RAB8B: variants seen among roughly 807,000 people sequenced by gnomAD.
RAB8B encodes RAB8B, member RAS oncogene family.
Under a neutral mutation model 32.0 loss-of-function variants are expected in RAB8B, and 11 were observed. That is an observed-to-expected ratio of 0.34 (90% CI 0.22 to 0.57). The LOEUF is 0.57. Ranked by LOEUF, RAB8B falls within the 20% of genes least tolerant of loss-of-function variation. The pLI, the probability that RAB8B is intolerant of heterozygous loss-of-function variation, is 0.86. For missense variants in RAB8B, 190 were observed against 258.5 expected (o/e 0.73, Z 1.82); for synonymous variants, 103 against 89.6 (o/e 1.15, Z -0.85).
intron 3 of RAB8B, among the ~76,000 whole-genome samples, chr15:63,252,660 A>T (rs945491541): frequency 3.3e-5 from 5 of 152,248 alleles, no homozygotes; most frequent in African/African-American, 1.2e-4. Flanking sequence ...TGCAGAATCC[A>T]CTTTGAATTG....
At chr15:63,225,867 G>T (rs1044436569) in intron 1 of RAB8B, among the ~76,000 whole-genome samples, 1 of 151,884 alleles carries the variant, frequency 6.6e-6, no homozygotes, top group Non-Finnish European at 1.5e-5. Context: ...CTGAAAGAGG[G>T]TCTCGCTCTG....
intron 3 of RAB8B, 96 bp from the exon 4 acceptor site, chr15:63,255,407 GACAA>G: frequency 1.3e-6 from 1 of 741,280 alleles, no homozygotes; most frequent in Non-Finnish European, 2.0e-6. Context: ...GGAAAAAATG[GACAA>G]ACAAAAGGTT....
intron 1 of RAB8B, chr15:63,223,036 C>A: frequency 4.4e-6 from 2 of 456,024 alleles, no homozygotes; most frequent in Non-Finnish European, 8.8e-6. Flanking sequence ...TCATTGATTC[C>A]TTCAGAGCAA....
chr15:63,261,495 C>T (rs187800494), intron 6 of RAB8B, among the ~76,000 whole-genome samples: 1 of 152,260 alleles, frequency 6.6e-6, no homozygotes, highest in Admixed American at 6.5e-5. Flanking sequence ...GGTATGTATA[C>T]ACAATGGAAT....
intron 6 of RAB8B, among the ~76,000 whole-genome samples, chr15:63,262,382 C>A (rs567745385): frequency 9.9e-5 from 15 of 152,206 alleles, no homozygotes; most frequent in African/African-American, 3.6e-4. Context: ...AGAGTAAACA[C>A]ATGCATACTA....
chr15:63,210,801 A>G (rs1567010602), intron 1 of RAB8B, among the ~76,000 whole-genome samples: 1 of 152,140 alleles, frequency 6.6e-6, no homozygotes, highest in East Asian at 1.9e-4. Context: ...ACTAGGCTGT[A>G]GGCTGGTTTT....
At chr15:63,218,145 C>A (rs1452129829) in intron 1 of RAB8B, among the ~76,000 whole-genome samples, 1 of 151,938 alleles carries the variant, frequency 6.6e-6, no homozygotes, top group African/African-American at 2.4e-5. Flanking sequence ...AAGAAATGCA[C>A]CAATGGGAGG....
At chr15:63,235,728 AT>A (rs1329395091) in intron 1 of RAB8B, among the ~76,000 whole-genome samples, 1 of 151,314 alleles carries the variant, frequency 6.6e-6, no homozygotes, top group East Asian at 1.9e-4. Flanking sequence ...CATTTTAAAT[AT>A]TTTTTTCAGA....
At chr15:63,238,322 C>T (rs2038000943) in intron 1 of RAB8B, among the ~76,000 whole-genome samples, 1 of 151,948 alleles carries the variant, frequency 6.6e-6, no homozygotes, top group African/African-American at 2.4e-5. Flanking sequence ...TTCTAGTCTC[C>T]AGTCATCTGG....
At chr15:63,208,975 C>T (rs927054428) in intron 1 of RAB8B, among the ~76,000 whole-genome samples, 3 of 151,324 alleles carry the variant, frequency 2.0e-5, no homozygotes, top group Non-Finnish European at 4.4e-5. Context: ...TCACTGCAAC[C>T]TCCACCTCCT....
chr15:63,233,854 TAA>T lies in RAB8B; in HGVS notation c.125-10900_125-10899del, dbSNP rs145141205. Among the ~76,000 whole-genome samples the T allele has an allele frequency of 5.0e-3, 763 of 152,292 alleles. 6 individuals carry two copies. The highest frequency in any genetic ancestry group is 6.9e-3 in the Non-Finnish European group (469 of 68,014). ...AGCACAGTATTTAACTTCTGCTTCT[TAA>T]AGTGGGTCAAAGGGGATAGATAACC... On this transcript the variant is annotated intron_variant, in intron 1 of 7. Transcript: ENST00000321437.
At chr15:63,262,802 G>T in intron 7 of RAB8B, 60 bp downstream of exon 7, 1 of 816,646 alleles carries the variant, frequency 1.2e-6, no homozygotes, top group Non-Finnish European at 1.7e-6. Flanking sequence ...TTGATGAAAA[G>T]GATAGGTCTA....
chr15:63,190,546 A>G (rs1335175579), intron 1 of RAB8B, among the ~76,000 whole-genome samples: 1 of 152,352 alleles, frequency 6.6e-6, no homozygotes. Context: ...AAGACTTGCT[A>G]TAGTAACTGA....
chr15:63,255,868 G>A (rs770768279), intron 4 of RAB8B, among the ~76,000 whole-genome samples: 2 of 152,214 alleles, frequency 1.3e-5, no homozygotes, highest in Non-Finnish European at 2.9e-5. Flanking sequence ...ACAGAAAGAA[G>A]TGATTTGCCT....
In RAB8B at chr15:63,263,537, A is replaced by G. The variant is rs1326455520; in HGVS notation, c.542A>G (p.Asn181Ser). ...TKLNRKMNDS[N>S]SAGAGGPVKI... is the part of the protein sequence containing the mutation. ...TCTTCTATTTTTTAGAATGACAGCA[A>G]TTCAGCAGGAGCAGGTGGACCAGTG... Residue 181 changes from asparagine to serine, a missense_variant, in exon 8 of 8, where the codon AAT (asparagine) becomes AGT (serine). This residue lies in a region of RAB8B where 110 missense variants were observed against 115.9 expected (regional missense o/e 0.95). Coordinates refer to ENST00000321437, the MANE Select transcript of RAB8B (RefSeq NM_016530.3). 15 of 1,610,772 alleles carry G rather than the reference A, an allele frequency of 9.3e-6. No individual in the cohort carries two copies. In the East Asian group the frequency reaches 3.1e-4, roughly 33 times the overall value.
chr15:63,233,055 C>CTTTTTTT (rs752891283), intron 1 of RAB8B, among the ~76,000 whole-genome samples: 72,095 of 140,158 alleles, frequency 0.51, 18,063 homozygotes, highest in East Asian at 0.74. Context: ...AAGTAGCATT[C>CTTTTTTT]TTTTTTTTTT....
At position 63,207,569 on chromosome 15, in the gene RAB8B, T is replaced by G. The variant is rs749797808; in HGVS notation, c.124+17821T>G. ...TTTTCCTTAGTTTTTTGTTTTTTTGTTTTTTTTTGGAGAAGGAATCTTGCT... is the reference window on the plus strand; with the variant it reads ...TTTTCCTTAGTTTTTTGTTTTTTTGGTTTTTTTTGGAGAAGGAATCTTGCT... On this transcript the variant is annotated intron_variant, in intron 1 of 7. Coordinates refer to ENST00000321437, the MANE Select transcript of RAB8B (RefSeq NM_016530.3). Among the ~76,000 whole-genome samples the G allele has an allele frequency of 5.3e-5, 8 of 150,846 alleles. No individual in the cohort carries two copies. In the South Asian group the frequency reaches 6.3e-4, roughly 12 times the overall value.
intron 3 of RAB8B, among the ~76,000 whole-genome samples, chr15:63,250,349 A>T (rs1045018574): frequency 2.0e-5 from 3 of 151,982 alleles, no homozygotes; most frequent in African/African-American, 7.3e-5. Context: ...TTCTTTTCTT[A>T]TACTCTCTTG....
At position 63,214,248 on chromosome 15, in the gene RAB8B, T is replaced by G. The variant is rs1193455169; in HGVS notation, c.124+24500T>G. Among the ~76,000 whole-genome samples the G allele has an allele frequency of 6.6e-5, 10 of 151,042 alleles. No individual in the cohort carries two copies. In the South Asian group the frequency reaches 1.9e-3, roughly 29 times the overall value. On this transcript the variant is annotated intron_variant, in intron 1 of 7. Transcript: ENST00000321437. ...TTAAGTTTGAAAAAGAATTCAACAGTGTTGAATTCCTTGGAAATGGGTACG... is the reference window on the plus strand; with the variant it reads ...TTAAGTTTGAAAAAGAATTCAACAGGGTTGAATTCCTTGGAAATGGGTACG...
Sources: gnomAD v4.1 joint callset for allele counts (sites outside exome capture counted in the v4.1 genomes callset) on GRCh38, gnomAD v4.1.1 for gene constraint, gnomAD v4.1.1 regional missense constraint, MANE v1.5 for transcripts, NCBI Gene and HGNC (gene_info 2026-07-23, HGNC 2026-07-21) for gene names.